Variants in SH3RF3 observed in about 807,000 individuals in gnomAD.
SH3RF3 encodes SH3 domain containing ring finger 3.
Under a neutral mutation model 66.3 loss-of-function variants are expected in SH3RF3, and 29 were observed. The ratio of observed to expected loss-of-function variants is 0.44; its 90% CI spans 0.33 to 0.60. The LOEUF (loss-of-function observed/expected upper bound fraction) is 0.60. Among genes scored for constraint, SH3RF3 ranks in the 20% least tolerant of loss-of-function variants. The pLI is 0.04. For synonymous variants in SH3RF3, 583 were observed against 532.0 expected (o/e 1.10, Z -1.32); for missense variants, 1,194 against 1,190.9 (o/e 1.00, Z -0.04).
At chr2:109,130,807 TC>T in intron 1 of SH3RF3, among the ~76,000 whole-genome samples, 3 of 152,270 alleles carry the variant, frequency 2.0e-5, no homozygotes, top group African/African-American at 7.2e-5. Context: ...TTTAGGGCCT[TC>T]GCTGCTTCTG....
intron 1 of SH3RF3, among the ~76,000 whole-genome samples, chr2:109,209,652 G>T (rs985836619): frequency 6.6e-6 from 1 of 152,108 alleles, no homozygotes; most frequent in Non-Finnish European, 1.5e-5. Flanking sequence ...TGAATCAGTC[G>T]ACTGCTCCTC....
intron 1 of SH3RF3, among the ~76,000 whole-genome samples, chr2:109,265,732 GT>G (rs1269019792): frequency 2.6e-5 from 4 of 152,338 alleles, no homozygotes; most frequent in East Asian, 1.9e-4. Context: ...AAGTTGCAGG[GT>G]TTTTATCAAT....
chr2:109,437,557 G>A (rs1012779801), intron 7 of SH3RF3, among the ~76,000 whole-genome samples: 3 of 152,200 alleles, frequency 2.0e-5, no homozygotes, highest in Admixed American at 6.5e-5. Flanking sequence ...GGCCGGCCAC[G>A]TGGGTCTTCC....
At chr2:109,454,946 T>G (rs936302390) in intron 8 of SH3RF3, among the ~76,000 whole-genome samples, 7 of 152,182 alleles carry the variant, frequency 4.6e-5, no homozygotes, top group Admixed American at 6.5e-5. Flanking sequence ...TAACTCTCTC[T>G]TTATGGGTGT....
intron 1 of SH3RF3, among the ~76,000 whole-genome samples, chr2:109,209,101 G>A (rs1391359012): frequency 1.3e-5 from 2 of 152,204 alleles, no homozygotes; most frequent in African/African-American, 4.8e-5. Context: ...ACCCACAAAT[G>A]TTGCCCAACT....
chr2:109,328,204 T>C (rs1682199759), intron 1 of SH3RF3, among the ~76,000 whole-genome samples: 1 of 152,254 alleles, frequency 6.6e-6, no homozygotes, highest in African/African-American at 2.4e-5. Context: ...TGGATTTCCC[T>C]CATAGTCTCT....
chr2:109,475,088 C>G (rs11894388), intron 8 of SH3RF3, among the ~76,000 whole-genome samples: 12,822 of 152,272 alleles, frequency 0.084, 1,261 homozygotes, highest in African/African-American at 0.23. Flanking sequence ...AGCGATCCTC[C>G]TGCCTCAGCC....
chr2:109,210,788 C>T (rs936753643), intron 1 of SH3RF3, among the ~76,000 whole-genome samples: 1 of 152,154 alleles, frequency 6.6e-6, no homozygotes. Context: ...CTGGCAAGCA[C>T]GACCTATTTC....
At chr2:109,486,830 G>A (rs114168148) in intron 8 of SH3RF3, among the ~76,000 whole-genome samples, 1,822 of 152,302 alleles carry the variant, frequency 0.012, 40 homozygotes, top group African/African-American at 0.042. Flanking sequence ...TCACTTCCAT[G>A]GAGGAAGGAC....
chr2:109,489,394 G>C (rs1679068861), intron 8 of SH3RF3, among the ~76,000 whole-genome samples: 1 of 152,250 alleles, frequency 6.6e-6, no homozygotes, highest in African/African-American at 2.4e-5. Context: ...GCTGGGGCCG[G>C]AGCAGTTGTG....
intron 1 of SH3RF3, among the ~76,000 whole-genome samples, chr2:109,335,673 C>A (rs973196457): frequency 6.6e-6 from 1 of 152,182 alleles, no homozygotes; most frequent in African/African-American, 2.4e-5. Context: ...GGAACATAAA[C>A]TCCACCCGGG....
At chr2:109,314,350 A>G (rs1162441450) in intron 1 of SH3RF3, among the ~76,000 whole-genome samples, 1 of 152,164 alleles carries the variant, frequency 6.6e-6, no homozygotes, top group Non-Finnish European at 1.5e-5. Flanking sequence ...GGTTCCAGAA[A>G]ATGGCTCCGT....
At chr2:109,345,620 C>A (rs1682673441) in intron 1 of SH3RF3, among the ~76,000 whole-genome samples, 1 of 152,192 alleles carries the variant, frequency 6.6e-6, no homozygotes, top group Non-Finnish European at 1.5e-5. Flanking sequence ...TACATCCCTT[C>A]AAAACTGCTC....
At chr2:109,439,538 C>A (rs1677503884) in intron 7 of SH3RF3, among the ~76,000 whole-genome samples, 1 of 152,214 alleles carries the variant, frequency 6.6e-6, no homozygotes. Flanking sequence ...ATGTTCTCAT[C>A]TCGAGCCAAA....
intron 4 of SH3RF3, among the ~76,000 whole-genome samples, chr2:109,418,964 G>A (rs1013341689): frequency 1.3e-5 from 2 of 152,030 alleles, no homozygotes; most frequent in African/African-American, 2.4e-5. Context: ...AGAGCACAGC[G>A]CACCCCTGAT....
intron 4 of SH3RF3, among the ~76,000 whole-genome samples, chr2:109,410,273 T>C (rs1180886937): frequency 6.6e-6 from 1 of 152,224 alleles, no homozygotes; most frequent in African/African-American, 2.4e-5. Context: ...GCCCAATCTT[T>C]ACTGACTAGC....
chr2:109,419,334 C>T (rs1364662091), intron 4 of SH3RF3, among the ~76,000 whole-genome samples: 1 of 152,208 alleles, frequency 6.6e-6, no homozygotes, highest in African/African-American at 2.4e-5. Flanking sequence ...TGGGAAGGGG[C>T]TCTTGAAAAT....
At chr2:109,231,882 A>T (rs1183883374) in intron 1 of SH3RF3, among the ~76,000 whole-genome samples, 2 of 152,254 alleles carry the variant, frequency 1.3e-5, no homozygotes, top group Non-Finnish European at 2.9e-5. Flanking sequence ...TGTAATTCAC[A>T]TGCCATGTAA....
At chr2:109,203,400 G>A (rs888459365) in intron 1 of SH3RF3, among the ~76,000 whole-genome samples, 27 of 152,254 alleles carry the variant, frequency 1.8e-4, no homozygotes, top group Middle Eastern at 3.4e-3. Flanking sequence ...GTGTTTCCGC[G>A]TCCCTACGAG....
Sources: allele counts gnomAD v4.1 joint callset (sites outside exome capture counted in the v4.1 genomes callset), GRCh38; gene constraint gnomAD v4.1.1; transcripts MANE v1.5; gene names NCBI Gene and HGNC (gene_info 2026-07-23, HGNC 2026-07-21).